The following NDEL1 variants were observed in gnomAD, a reference collection of about 807,000 sequenced individuals.
The protein encoded by NDEL1 is nudE neurodevelopment protein 1 like 1.
Under a neutral mutation model 45.7 loss-of-function variants are expected in NDEL1, and 9 were observed. The ratio of observed to expected loss-of-function variants is 0.20; its 90% CI spans 0.12 to 0.34. The LOEUF is 0.34. Among genes scored for constraint, NDEL1 ranks in the 10% least tolerant of loss-of-function variants. The probability of loss-of-function intolerance (pLI) is 1.00; values close to 1 mark genes in which losing one functional copy is unlikely to be tolerated. For missense variants in NDEL1, 306 were observed against 406.2 expected (o/e 0.75, Z 2.12); for synonymous variants, 133 against 158.6 (o/e 0.84, Z 1.21).
At chr17:8,433,101 A>G (rs987328390), upstream of NDEL1, among the ~76,000 whole-genome samples, 3 of 129,044 alleles carry the variant, frequency 2.3e-5, no homozygotes, top group Non-Finnish European at 5.2e-5. Flanking sequence ...CAATTCTTCA[A>G]AAAAAAAAAA....
At chr17:8,464,874 A>G (rs1241680647) in intron 8 of NDEL1, 1 of 152,260 alleles carries the variant, frequency 6.6e-6, no homozygotes, top group East Asian at 1.9e-4. Context: ...GAACAGTGGG[A>G]TGAACCTGTT....
At chr17:8,419,366 A>G (rs1908647411) in intron 1 of NDEL1, among the ~76,000 whole-genome samples, 2 of 152,242 alleles carry the variant, frequency 1.3e-5, no homozygotes, top group Admixed American at 1.3e-4. Flanking sequence ...CCAGTCTAAT[A>G]CATATAAATA....
chr17:8,435,702 A>AGCGCCTGCGCAAGAGG (rs1779492977), upstream of NDEL1: 2 of 332,206 alleles, frequency 6.0e-6, no homozygotes, highest in Admixed American at 8.1e-5. Context: ...AGAGTCCAGG[A>AGCGCCTGCGCAAGAGG]GCGCCTGCGC....
At chr17:8,428,721 C>T (rs1402126043) in intron 1 of NDEL1, among the ~76,000 whole-genome samples, 1 of 148,812 alleles carries the variant, frequency 6.7e-6, no homozygotes, top group Non-Finnish European at 1.5e-5. Flanking sequence ...TCACCCAGGC[C>T]AGACTGCAGT....
At chr17:8,428,300 C>A (rs1238889574) in intron 1 of NDEL1, among the ~76,000 whole-genome samples, 2 of 149,598 alleles carry the variant, frequency 1.3e-5, no homozygotes, top group Non-Finnish European at 1.5e-5. Context: ...AACCACTTCT[C>A]GCCTCAAGGC....
chr17:8,473,744 T>C (rs1911997099), intron 3 of NDEL1, among the ~76,000 whole-genome samples: 1 of 152,204 alleles, frequency 6.6e-6, no homozygotes, highest in African/African-American at 2.4e-5. Context: ...AAATCGGCAT[T>C]CTCTGTTTGA....
In NDEL1 at chr17:8,421,081, A is replaced by G. The variant is rs536103980; in HGVS notation, c.-13+7812A>G. 2.1e-4 allele frequency among the ~76,000 whole-genome samples: 32 copies of G among 152,356 alleles called. No homozygotes were observed. The South Asian group carries it at 6.4e-3, about 31-fold the overall frequency. On this transcript the variant is annotated intron_variant, in intron 1 of 4. Coordinates refer to the NDEL1 transcript ENST00000582812. ...TTTAGGGAATGTTAGGGAAAATATGATTAACATCAATTCTATAGTTTCATA... is the reference window on the plus strand; with the variant it reads ...TTTAGGGAATGTTAGGGAAAATATGGTTAACATCAATTCTATAGTTTCATA...
chr17:8,428,898 CT>C (rs759045714), intron 1 of NDEL1, among the ~76,000 whole-genome samples: 53 of 152,088 alleles, frequency 3.5e-4, no homozygotes, highest in Non-Finnish European at 6.5e-4. Flanking sequence ...TGGTCTCGAT[CT>C]CCTGACCTTG....
intron 1 of NDEL1, among the ~76,000 whole-genome samples, chr17:8,438,575 G>A (rs1909509050): frequency 6.6e-6 from 1 of 150,732 alleles, no homozygotes; most frequent in Admixed American, 6.6e-5. Context: ...GAGTGCAGTG[G>A]AGTGATTACA....
At chr17:8,464,345 T>A (rs1432880180) in intron 8 of NDEL1, 1 of 152,314 alleles carries the variant, frequency 6.6e-6, no homozygotes, top group Admixed American at 6.5e-5. Context: ...CATTGCCCTG[T>A]GGCTCTTTGC....
intron 1 of NDEL1, among the ~76,000 whole-genome samples, chr17:8,443,527 G>C (rs1467958685): frequency 1.3e-5 from 2 of 152,132 alleles, no homozygotes; most frequent in Non-Finnish European, 2.9e-5. Flanking sequence ...GCCTGGGGAG[G>C]GGGTGCTAGG....
At position 8,428,065 on chromosome 17, in the gene NDEL1, C is replaced by G. The variant is rs1908884142; in HGVS notation, c.-13+14796C>G. ...CAGCCCTGCCACACTATATCCTTTG[C>G]CATGGTTGTTTTTCTTTATAGCATT... On this transcript the variant is annotated intron_variant, in intron 1 of 4. Transcript: ENST00000582812. Among the ~76,000 whole-genome samples the G allele has an allele frequency of 2.0e-5, 3 of 152,134 alleles. No homozygotes were observed. The East Asian group carries it at 5.8e-4, about 29-fold the overall frequency.
At chr17:8,433,622 A>G (rs1274462787), upstream of NDEL1, among the ~76,000 whole-genome samples, 1 of 152,212 alleles carries the variant, frequency 6.6e-6, no homozygotes, top group East Asian at 1.9e-4. Flanking sequence ...TGGTGCTTCA[A>G]GCTAGATCCT....
intron 1 of NDEL1, among the ~76,000 whole-genome samples, chr17:8,417,754 C>T (rs533183333): frequency 2.0e-5 from 3 of 152,308 alleles, no homozygotes; most frequent in Admixed American, 6.5e-5. Flanking sequence ...CAAAGACTTC[C>T]CCTCTCCCAA....
chr17:8,440,720 C>T lies in NDEL1; in HGVS notation c.-12-3540C>T, dbSNP rs144645279. Among the ~76,000 whole-genome samples the T allele has an allele frequency of 4.4e-3, 675 of 152,252 alleles. 2 individuals carry two copies. Among genetic ancestry groups the T allele is most frequent in the African/African-American group, 0.015 (641 of 41,530 alleles). ...GTTGTATTAAGAATATGTCCCTGTA[C>T]AAGAACCAGAAGTCAGAGACAAATG... On this transcript the variant is annotated intron_variant, in intron 1 of 8. Transcript: ENST00000334527.
upstream of NDEL1, among the ~76,000 whole-genome samples, chr17:8,433,724 C>T (rs1909075129): frequency 6.6e-6 from 1 of 152,078 alleles, no homozygotes; most frequent in South Asian, 2.1e-4. Flanking sequence ...CTGTGCTGCC[C>T]AGGCTGGTCT....
At chr17:8,448,457 G>T (rs1910238884) in intron 4 of NDEL1, 93 bp from the exon 5 acceptor site, 1 of 1,377,226 alleles carries the variant, frequency 7.3e-7, no homozygotes, top group Non-Finnish European at 9.8e-7. Context: ...GCTAGGTCAG[G>T]AAATGTCACG....
At chr17:8,448,083 C>G (rs1259969959) in intron 4 of NDEL1, among the ~76,000 whole-genome samples, 1 of 152,136 alleles carries the variant, frequency 6.6e-6, no homozygotes, top group Non-Finnish European at 1.5e-5. Flanking sequence ...AAGGGAATAG[C>G]TTCTGGTCCT....
upstream of NDEL1, among the ~76,000 whole-genome samples, chr17:8,433,093 A>G (rs1253470307): frequency 6.7e-6 from 1 of 150,078 alleles, no homozygotes; most frequent in Non-Finnish European, 1.5e-5. Context: ...CTTGGTTACA[A>G]TTCTTCAAAA....
Sources: allele counts gnomAD v4.1 joint callset (sites outside exome capture counted in the v4.1 genomes callset), GRCh38; gene constraint gnomAD v4.1.1; transcripts MANE v1.5; gene names NCBI Gene and HGNC (gene_info 2026-07-23, HGNC 2026-07-21).